ZC3HAV1: variants seen among roughly 807,000 people sequenced by gnomAD.
ZC3HAV1 encodes the protein zinc finger CCCH-type antiviral protein 1.
ZC3HAV1 carries 41 observed loss-of-function variants against 86.6 expected under a neutral mutation model. The observed-to-expected ratio is 0.47, with a 90% CI of 0.37 to 0.61. ZC3HAV1 has a LOEUF of 0.61. Among genes scored for constraint, ZC3HAV1 ranks in the 20% least tolerant of loss-of-function variants. The pLI is 0.00. For missense variants in ZC3HAV1, 964 were observed against 1,141.1 expected, an observed-to-expected ratio of 0.84 and a Z score of 2.24; for synonymous variants, 421 against 432.1, an observed-to-expected ratio of 0.97 and a Z score of 0.32.
chr7:139,088,937 T>C (rs763523683), intron 2 of ZC3HAV1, among the ~76,000 whole-genome samples: 38 of 151,708 alleles, frequency 2.5e-4, no homozygotes, highest in Non-Finnish European at 5.2e-4. Context: ...ACCCTGTCTC[T>C]ACTAAAATAT....
Position 139,079,994 on chromosome 7 carries a change from G to A in ZC3HAV1, c.947C>T (p.Thr316Ile). 6.2e-7 allele frequency: 1 copy of A among 1,614,178 alleles called. No homozygotes were observed. The highest frequency in any genetic ancestry group is 8.5e-7 in the Non-Finnish European group (1 of 1,180,032). Residue 316 changes from threonine (T) to isoleucine (I), a missense_variant, in exon 4 of 13, where the codon ACT becomes ATT. Physicochemically the swap from Thr to Ile is moderately conservative, Grantham distance 89. Transcript: ENST00000242351. Reference protein sequence around the residue: ...ARPPSGSSKATDLGGTSQAGT... With the variant: ...ARPPSGSSKAIDLGGTSQAGT... ...GGCCTGACTTGTTCCTCCAAGATCA[G>A]TAGCCTTGGACGAGCCTGAGGGAGG...
At chr7:139,089,477 C>A (rs750234227) in intron 2 of ZC3HAV1, 147 bp downstream of exon 2, 3 of 1,032,694 alleles carry the variant, frequency 2.9e-6, no homozygotes, top group Non-Finnish European at 4.0e-6. Flanking sequence ...TTTCTGGGAT[C>A]TCTTAGTTCA....
At chr7:139,077,627 A>T (rs1392688990) in intron 5 of ZC3HAV1, among the ~76,000 whole-genome samples, 1 of 152,194 alleles carries the variant, frequency 6.6e-6, no homozygotes, top group Non-Finnish European at 1.5e-5. Flanking sequence ...CATCCCCCTT[A>T]CATATTTGGC....
chr7:139,080,468 T>C (rs1300131445), intron 3 of ZC3HAV1, among the ~76,000 whole-genome samples: 4 of 152,164 alleles, frequency 2.6e-5, no homozygotes, highest in Non-Finnish European at 5.9e-5. Flanking sequence ...GTTGCTCTGT[T>C]GCCCAGGCTG....
intron 1 of ZC3HAV1, among the ~76,000 whole-genome samples, chr7:139,095,566 A>G (rs1057076737): frequency 2.0e-5 from 3 of 152,216 alleles, no homozygotes; most frequent in African/African-American, 7.2e-5. Context: ...GAGGAGGAAG[A>G]GGAAAGCACC....
chr7:139,054,156 A>T lies in ZC3HAV1; in HGVS notation c.2188-61T>A. 3 of 1,466,518 alleles carry T rather than the reference A, an allele frequency of 2.0e-6. No homozygotes were observed. In the Admixed American group the frequency reaches 7.5e-5, roughly 37 times the overall value. The allele number at this position is 1,466,518 out of a possible 1,614,324, so 90.8% of individuals were successfully genotyped here. ...GAAACATTTAAAGCATGATACATCC[A>T]CATATGTGCCCCCTTATGCCATGAA... is the stretch of plus-strand genomic sequence containing the variant. On this transcript the variant is annotated intron_variant, in intron 10 of 12. Coordinates refer to ENST00000242351, the MANE Select transcript of ZC3HAV1 (RefSeq NM_020119.4).
intron 1 of ZC3HAV1, among the ~76,000 whole-genome samples, chr7:139,107,854 A>G (rs1191954756): frequency 6.6e-6 from 1 of 152,226 alleles, no homozygotes; most frequent in Non-Finnish European, 1.5e-5. Context: ...TGTAAAAAGT[A>G]CTGTATCGAG....
intron 3 of ZC3HAV1, among the ~76,000 whole-genome samples, chr7:139,083,113 A>T (rs895447013): frequency 2.6e-5 from 4 of 152,210 alleles, no homozygotes; most frequent in African/African-American, 9.6e-5. Context: ...ATAGAGAGAA[A>T]GAAAGTGCTA....
intron 12 of ZC3HAV1, among the ~76,000 whole-genome samples, chr7:139,048,890 C>T (rs1309851456): frequency 6.6e-6 from 1 of 152,032 alleles, no homozygotes; most frequent in Non-Finnish European, 1.5e-5. Context: ...TGGAAGTCTA[C>T]CTATACTGAC....
chr7:139,109,082 T>A lies in ZC3HAV1; in HGVS notation c.250A>T (p.Asn84Tyr), dbSNP rs770005291. 41 of 1,592,154 alleles carry A rather than the reference T, an allele frequency of 2.6e-5. No individual in the cohort carries two copies. The highest frequency in any genetic ancestry group is 3.5e-5 in the Non-Finnish European group (41 of 1,168,142). The change falls in exon 1 of 13, where the codon AAC (asparagine) becomes TAC (tyrosine). Residue 84 changes from asparagine (N) to tyrosine (Y), a missense_variant. Transcript: ENST00000242351. ...AAGTTGAGTTTGCAGAGATGCAGGT[T>A]ATCGCAGGGTCTCTGGCAGTACTTG... ...RRKYCQRPCD[N>Y]LHLCKLNLLG...
At chr7:139,066,154 G>A (rs1365124786) in intron 7 of ZC3HAV1, among the ~76,000 whole-genome samples, 1 of 152,100 alleles carries the variant, frequency 6.6e-6, no homozygotes, top group Non-Finnish European at 1.5e-5. Context: ...TAATGGTGAG[G>A]AGACTCTTGT....
chr7:139,051,584 T>G (rs1446524717), intron 12 of ZC3HAV1, among the ~76,000 whole-genome samples: 1 of 152,064 alleles, frequency 6.6e-6, no homozygotes, highest in Admixed American at 6.6e-5. Flanking sequence ...TTAAAAAAAT[T>G]TGTTTGTAAT....
At chr7:139,062,453 G>A (rs1816472279) in intron 8 of ZC3HAV1, among the ~76,000 whole-genome samples, 1 of 152,202 alleles carries the variant, frequency 6.6e-6, no homozygotes, top group African/African-American at 2.4e-5. Flanking sequence ...GGCAGAGGCT[G>A]GTCTATAAAA....
intron 7 of ZC3HAV1, among the ~76,000 whole-genome samples, chr7:139,070,824 T>C (rs1485424743): frequency 2.0e-5 from 3 of 151,660 alleles, no homozygotes; most frequent in Non-Finnish European, 4.4e-5. Context: ...CAACTAAAAA[T>C]ACAAAAAATT....
chr7:139,053,220 C>A (rs1816186568), intron 12 of ZC3HAV1, among the ~76,000 whole-genome samples: 1 of 152,122 alleles, frequency 6.6e-6, no homozygotes. Flanking sequence ...TTTGGTCACT[C>A]CCAGAAAGAA....
intron 10 of ZC3HAV1, 94 bp from the exon 11 acceptor site, chr7:139,054,189 T>C: frequency 1.6e-6 from 2 of 1,283,322 alleles, no homozygotes; most frequent in Non-Finnish European, 2.1e-6. Context: ...GAAGTATTGT[T>C]ACCAGGGTTC....
Position 139,080,059 on chromosome 7 carries a change from G to A in ZC3HAV1, c.882C>T (p.Thr294=). The A allele has an allele frequency of 6.2e-7, 1 of 1,614,178 alleles. No individual in the cohort carries two copies. Among genetic ancestry groups the A allele is most frequent in the Non-Finnish European group, 8.5e-7 (1 of 1,180,040 alleles). The part of the protein sequence containing the change: ...SLEDAPVDDL[T]RKFTYLGSQD... The stretch of plus-strand genomic sequence containing the variant: ...GACTCCCCAGATACGTGAACTTGCG[G>A]GTGAGATCGTCCACAGGCGCGTCCT... Residue 294 remains threonine (T), a synonymous_variant, in exon 4 of 13, where the codon ACC becomes ACT. Transcript: ENST00000242351.
chr7:139,065,856 A>G (rs1374909886), intron 7 of ZC3HAV1, among the ~76,000 whole-genome samples: 1 of 152,144 alleles, frequency 6.6e-6, no homozygotes, highest in African/African-American at 2.4e-5. Flanking sequence ...GTGAGCCAAG[A>G]TCGTGCCACT....
chr7:139,055,011 A>G (rs1036188928), intron 10 of ZC3HAV1, among the ~76,000 whole-genome samples, 194 bp downstream of exon 10: 6 of 152,052 alleles, frequency 3.9e-5, no homozygotes. Flanking sequence ...GCTGGTTTCG[A>G]ACTCCTGAGC....
Sources: gnomAD v4.1 joint callset for allele counts (sites outside exome capture counted in the v4.1 genomes callset) on GRCh38, gnomAD v4.1.1 for gene constraint, MANE v1.5 for transcripts, NCBI Gene and HGNC (gene_info 2026-07-23, HGNC 2026-07-21) for gene names.